ZDHHC11: variants seen among roughly 807,000 people sequenced by gnomAD.
ZDHHC11 encodes palmitoyltransferase ZDHHC11.
A neutral mutation model predicts 51.3 loss-of-function variants in ZDHHC11; 44 were observed. That is an observed-to-expected ratio of 0.86 (90% CI 0.67 to 1.10). The LOEUF is 1.10. Among genes scored for constraint, ZDHHC11 ranks in the 50% least tolerant of loss-of-function variants. The pLI is 0.00. For synonymous variants in ZDHHC11, 163 were observed against 222.0 expected (o/e 0.73, Z 2.36); for missense variants, 400 against 537.7 (o/e 0.74, Z 2.53).
intron 10 of ZDHHC11, chr5:816,261 AATGTTTTTGGG>A (rs1243554395): frequency 8.2e-6 from 2 of 242,494 alleles, no homozygotes; most frequent in Non-Finnish European, 1.7e-5. Flanking sequence ...TTTCGGAAAT[AATGTTTTTGGG>A]ATCTATCAAA....
At chr5:850,183 C>A (rs1478548894) in intron 1 of ZDHHC11, 198 bp downstream of exon 1, 1 of 641,620 alleles carries the variant, frequency 1.6e-6, no homozygotes, top group Non-Finnish European at 2.7e-6. Flanking sequence ...CCAACGCTGT[C>A]CTGTCCTGAC....
At chr5:855,150 C>T (rs569915655), upstream of ZDHHC11, among the ~76,000 whole-genome samples, 82 of 145,320 alleles carry the variant, frequency 5.6e-4, 1 homozygote, top group South Asian at 4.5e-3. Flanking sequence ...GACAGCGAGC[C>T]GGGGGACACA....
At chr5:823,207 C>T (rs1399282639) in intron 8 of ZDHHC11, among the ~76,000 whole-genome samples, 1 of 150,938 alleles carries the variant, frequency 6.6e-6, no homozygotes, top group African/African-American at 2.4e-5. Flanking sequence ...ACACAAGACC[C>T]CGGAGATATT....
chr5:797,099 C>T (rs1390681581), intron 12 of ZDHHC11, among the ~76,000 whole-genome samples: 1 of 150,418 alleles, frequency 6.6e-6, no homozygotes, highest in African/African-American at 2.4e-5. Flanking sequence ...CCCAGCTACT[C>T]AGGAAGCTGA....
chr5:815,593 T>C (rs1740680949), intron 10 of ZDHHC11, among the ~76,000 whole-genome samples: 1 of 151,058 alleles, frequency 6.6e-6, no homozygotes, highest in Admixed American at 6.6e-5. Context: ...AGAGACAGAG[T>C]CTTGCTTTCA....
intron 4 of ZDHHC11, chr5:841,602 C>T (rs1190819921): frequency 1.2e-5 from 12 of 995,504 alleles, no homozygotes; most frequent in African/African-American, 1.7e-5. Context: ...ATCCCTTGCT[C>T]ATGGCCCACT....
intron 4 of ZDHHC11, chr5:843,222 G>A (rs533794205): frequency 1.4e-3 from 554 of 397,102 alleles, no homozygotes; most frequent in African/African-American, 0.011. Context: ...CCTCCCCATG[G>A]GCTGCTCCTG....
chr5:809,011 A>ACACACACACACACACACG (rs1561236888), intron 11 of ZDHHC11, among the ~76,000 whole-genome samples: 1 of 147,302 alleles, frequency 6.8e-6, no homozygotes, highest in African/African-American at 2.6e-5. Flanking sequence ...ACACACACAC[A>ACACACACACACACACACG]CACGCACACT....
At position 850,524 on chromosome 5, in the gene ZDHHC11, G is replaced by A. The variant is rs147092294; in HGVS notation, c.79C>T (p.Arg27Cys). The A allele has an allele frequency of 3.6e-5, 58 of 1,613,628 alleles. No homozygotes were observed. In the African/African-American group the frequency reaches 4.8e-4, roughly 13 times the overall value. The change falls in exon 1 of 13, where the codon CGC (arginine) becomes TGC (cysteine). Residue 27 changes from arginine to cysteine, a missense_variant. This residue lies in a region of ZDHHC11 where 119 missense variants were observed against 99.6 expected (regional missense o/e 1.20). Coordinates refer to ENST00000283441, the MANE Select transcript of ZDHHC11 (RefSeq NM_024786.3). ...GACCAGCCGTTCACTCTGGAGATGC[G>A]GGGCGGCAAGACCAGCTTTTCATTA... ...LNNEKLVLPPRISRVNGWSLP... is the reference protein window; with the variant it reads ...LNNEKLVLPPCISRVNGWSLP...
chr5:805,446 T>C (rs190211524), intron 11 of ZDHHC11, among the ~76,000 whole-genome samples: 3 of 151,034 alleles, frequency 2.0e-5, no homozygotes, highest in South Asian at 4.2e-4. Context: ...AAAATCTACA[T>C]TGGTATTCAA....
chr5:833,348 AC>A (rs1743315325), intron 7 of ZDHHC11, among the ~76,000 whole-genome samples: 1 of 149,054 alleles, frequency 6.7e-6, no homozygotes, highest in African/African-American at 2.5e-5. Context: ...GGGTCAAGGC[AC>A]CCCCAGTGCT....
intron 3 of ZDHHC11, among the ~76,000 whole-genome samples, chr5:846,032 G>A (rs1324347220): frequency 1.3e-5 from 2 of 150,424 alleles, no homozygotes; most frequent in Non-Finnish European, 3.0e-5. Context: ...AGAAGGAAGT[G>A]GCACCTGGGG....
chr5:801,974 G>A (rs1259017636), intron 11 of ZDHHC11, among the ~76,000 whole-genome samples: 3 of 151,482 alleles, frequency 2.0e-5, no homozygotes, highest in African/African-American at 7.3e-5. Context: ...AAGCAAGAGG[G>A]AAACCTTTCT....
At chr5:802,826 A>G (rs1738633213) in intron 11 of ZDHHC11, among the ~76,000 whole-genome samples, 1 of 33,176 alleles carries the variant, frequency 3.0e-5, no homozygotes, top group Non-Finnish European at 5.1e-5. Flanking sequence ...ACAAAAATAC[A>G]AAAAAAAAAA....
Position 795,778 on chromosome 5 carries a change from A to T in ZDHHC11, c.*810T>A, listed in dbSNP as rs1409213485. The stretch of plus-strand genomic sequence containing the variant: ...TCTGGGCTAGGCTGAAAAACTCAGA[A>T]TCCAGGTCTGGGGTTTCCCAGTACT... On this transcript the variant is annotated 3_prime_UTR_variant, in exon 13 of 13. Transcript: ENST00000283441. 1.3e-5 allele frequency: 2 copies of T among 154,378 alleles called. No individual in the cohort carries two copies. The highest frequency in any genetic ancestry group is 4.8e-5 in the African/African-American group (2 of 41,238). The allele number at this position is 154,378 out of a possible 1,614,324, so 9.6% of individuals were successfully genotyped here. A position where few individuals can be genotyped will look rare whatever the true frequency, so the allele number is the denominator to read the frequency against.
upstream of ZDHHC11, among the ~76,000 whole-genome samples, chr5:855,845 A>C (rs1463198337): frequency 1.5e-5 from 2 of 134,142 alleles, no homozygotes; most frequent in Admixed American, 1.5e-4. Flanking sequence ...CACAGACCCC[A>C]CAGAGGACAG....
At chr5:853,579 G>T (rs1747648973), upstream of ZDHHC11, among the ~76,000 whole-genome samples, 1 of 146,658 alleles carries the variant, frequency 6.8e-6, no homozygotes, top group African/African-American at 2.6e-5. Context: ...CAAGCCCGGG[G>T]GACAGACCCC....
intron 1 of ZDHHC11, among the ~76,000 whole-genome samples, chr5:858,214 A>C (rs1318745937): frequency 3.7e-5 from 3 of 81,514 alleles, no homozygotes; most frequent in African/African-American, 1.5e-4. Context: ...TCCTGGTCCC[A>C]TCCCTGTCTT....
intron 10 of ZDHHC11, among the ~76,000 whole-genome samples, chr5:815,701 A>G (rs1403609173): frequency 1.3e-5 from 2 of 151,602 alleles, no homozygotes; most frequent in East Asian, 3.8e-4. Flanking sequence ...GCGATGTGGC[A>G]TCATCTTTCA....
Sources: gnomAD v4.1 joint callset for allele counts (sites outside exome capture counted in the v4.1 genomes callset) on GRCh38, gnomAD v4.1.1 for gene constraint, gnomAD v4.1.1 regional missense constraint, MANE v1.5 for transcripts, NCBI Gene and HGNC (gene_info 2026-07-23, HGNC 2026-07-21) for gene names.